Variants in KCNAB3 observed in about 807,000 individuals in gnomAD.
KCNAB3 encodes the protein potassium voltage-gated channel subfamily A regulatory beta subunit 3.
KCNAB3 carries 62 observed loss-of-function variants against 67.7 expected under a neutral mutation model. That is an observed-to-expected ratio of 0.92 (90% CI 0.75 to 1.13). The LOEUF is 1.13. KCNAB3 is among the 50% of genes most tolerant of loss of function. The pLI is 0.00. For synonymous variants in KCNAB3, 212 were observed against 205.4 expected, an observed-to-expected ratio of 1.03 and a Z score of -0.27; for missense variants, 514 against 522.9, an observed-to-expected ratio of 0.98 and a Z score of 0.17.
chr17:7,929,007 G>T lies in KCNAB3; in HGVS notation c.242+187C>A. ...GTCAACCTTGGTAAACTTGATTCTC[G>T]TAGTCAGGGGTATCGACAGAAACCA... On this transcript the variant is annotated intron_variant, in intron 1 of 13. Transcript: ENST00000303790. This position sits in a 1 kb window ranked among gnomAD's most constrained non-coding sequence, Gnocchi z 5.7. 3 of 913,382 alleles carry T rather than the reference G, an allele frequency of 3.3e-6. No individual in the cohort carries two copies. Among genetic ancestry groups the T allele is most frequent in the South Asian group, 3.5e-5 (2 of 56,414 alleles). The allele number at this position is 913,382 out of a possible 1,614,324, so 56.6% of individuals were successfully genotyped here. A position where few individuals can be genotyped will look rare whatever the true frequency, so the allele number is the denominator to read the frequency against.
Position 7,929,557 on chromosome 17 carries a change from G to T in KCNAB3, c.-122C>A. ...CCCGGCAGAGCGGGAAGGCTGAGGA[G>T]GCTGCGGCGGGAGCCGCCAGGCAGG... On this transcript the variant is annotated 5_prime_UTR_variant, in exon 1 of 14. Coordinates refer to ENST00000303790, the MANE Select transcript of KCNAB3 (RefSeq NM_004732.4). This position sits in a 1 kb window ranked among gnomAD's most constrained non-coding sequence, Gnocchi z 5.7. The T allele has an allele frequency of 6.8e-7, 1 of 1,472,608 alleles. No individual in the cohort carries two copies. The highest frequency in any genetic ancestry group is 1.4e-5 in the African/African-American group (1 of 70,100). 91.2% of individuals were successfully genotyped at this position (1,472,608 alleles called of 1,614,324 possible).
chr17:7,923,377 G>A, intron 13 of KCNAB3, 79 bp downstream of exon 13: 2 of 1,432,588 alleles, frequency 1.4e-6, no homozygotes, highest in Non-Finnish European at 1.9e-6. Flanking sequence ...ACCTGATAGA[G>A]CCATCCTGGG....
At position 7,929,511 on chromosome 17, in the gene KCNAB3, C is replaced by CG. The variant is rs1010945548; in HGVS notation, c.-77dup. On this transcript the variant is annotated 5_prime_UTR_variant, in exon 1 of 14. Transcript: ENST00000303790. This position sits in a 1 kb window ranked among gnomAD's most constrained non-coding sequence, Gnocchi z 5.7. ...GCAGGGAAGCCCGAGGGCTGACGACCGGGGGCGTAGTGGGGCGAACCCCGG... is the reference window on the plus strand; with the variant it reads ...GCAGGGAAGCCCGAGGGCTGACGACCGGGGGGCGTAGTGGGGCGAACCCCGG... 2 of 1,506,352 alleles carry CG rather than the reference C, an allele frequency of 1.3e-6. No individual in the cohort carries two copies. The highest frequency in any genetic ancestry group is 1.4e-5 in the African/African-American group (1 of 71,350). 93.3% of individuals were successfully genotyped at this position (1,506,352 alleles called of 1,614,324 possible). A position where few individuals can be genotyped will look rare whatever the true frequency, so the allele number is the denominator to read the frequency against.
chr17:7,929,467 G>C lies in KCNAB3; in HGVS notation c.-32C>G. ...TGGCCGAGGCGGGGGAGGGGGCTCC[G>C]AGGGGACGGGAGGGGGGAGCAGGGA... On this transcript the variant is annotated 5_prime_UTR_variant, in exon 1 of 14. Transcript: ENST00000303790. The surrounding 1 kb of genome is among the most constrained non-coding windows in gnomAD (Gnocchi z 5.7). The C allele has an allele frequency of 6.6e-7, 1 of 1,519,444 alleles. No homozygotes were observed. The highest frequency in any genetic ancestry group is 2.0e-5 in the Admixed American group (1 of 49,122). 94.1% of individuals were successfully genotyped at this position (1,519,444 alleles called of 1,614,324 possible).
Position 7,924,445 on chromosome 17 carries a change from C to A in KCNAB3, c.681G>T (p.Gly227=), listed in dbSNP as rs143227345. The A allele has an allele frequency of 2.2e-5, 35 of 1,614,008 alleles. No individual in the cohort carries two copies. The highest frequency in any genetic ancestry group is 2.8e-5 in the Non-Finnish European group (33 of 1,179,924). Residue 227 remains glycine (G), a synonymous_variant, in exon 9 of 14, where the codon GGG becomes GGT. Transcript: ENST00000303790. ...TTTCTGCAGCCCCCCATCGGGATGT[C>A]CCCCAGTATAGGGCCAGGCCCTGGT... The part of the protein sequence containing the change: ...VINQGLALYW[G]TSRWGAAEIM...
At chr17:7,924,782 A>T (rs1972169836) in intron 8 of KCNAB3, 2 of 948,432 alleles carry the variant, frequency 2.1e-6, no homozygotes, top group Non-Finnish European at 2.9e-6. Context: ...TCACTCTGTC[A>T]CTCAGGATGT....
rs1244483433 is a variant in KCNAB3 at position 7,926,069 on chromosome 17, T to C, written c.439A>G (p.Lys147Glu). 8 of 1,614,024 alleles carry C rather than the reference T, an allele frequency of 5.0e-6. No homozygotes were observed. Among genetic ancestry groups the C allele is most frequent in the Non-Finnish European group, 5.9e-6 (7 of 1,180,034 alleles). Reference sequence around the variant, plus strand: ...CCAAAACAGTCTCACCTCCAACCTTTGCTCTTGAGGATGTTCCCTAGGGTT... The same window carrying C: ...CCAAAACAGTCTCACCTCCAACCTTCGCTCTTGAGGATGTTCCCTAGGGTT... ...ERTLGNILKS[K>E]GWRRSSYVIT... Residue 147 changes from lysine (K) to glutamate (E), a missense_variant, in exon 5 of 14, where the codon AAA becomes GAA. Physicochemically the swap from Lys to Glu is moderately conservative, Grantham distance 56 (BLOSUM62 1). Transcript: ENST00000303790.
At position 7,927,705 on chromosome 17, in the gene KCNAB3, G is replaced by C; in HGVS notation, c.287-11C>G. 6.2e-7 allele frequency: 1 copy of C among 1,614,208 alleles called. No homozygotes were observed. The highest frequency in any genetic ancestry group is 8.5e-7 in the Non-Finnish European group (1 of 1,180,038). On this transcript the variant is annotated splice_polypyrimidine_tract_variant and intron_variant, in intron 2 of 13. Transcript: ENST00000303790. ...ATGTGACCCAGGTACCTGCAAGAGA[G>C]AAGCCAGGCACATGAGAACTGCAGG... is the stretch of plus-strand genomic sequence containing the variant.
chr17:7,923,814 C>A lies in KCNAB3; in HGVS notation c.945G>T (p.Lys315Asn). ...RASIKGYQWLKDKVQSEDGKK... is the reference protein window; with the variant it reads ...RASIKGYQWLNDKVQSEDGKK... ...TGCCATCTTCACTCTGCACTTTGTCCTTGAGCCACTGGTAGCCCTGGAGGC... is the reference window on the plus strand; with the variant it reads ...TGCCATCTTCACTCTGCACTTTGTCATTGAGCCACTGGTAGCCCTGGAGGC... The change falls in exon 12 of 14, where the codon AAG becomes AAT. Residue 315 changes from lysine (K) to asparagine (N), a missense_variant. By Grantham distance (94) the Lys-to-Asn change is moderately conservative. Coordinates refer to ENST00000303790, the MANE Select transcript of KCNAB3 (RefSeq NM_004732.4). 6.3e-7 allele frequency: 1 copy of A among 1,577,926 alleles called. No homozygotes were observed. Among genetic ancestry groups the A allele is most frequent in the Non-Finnish European group, 8.6e-7 (1 of 1,161,272 alleles).
In KCNAB3 at chr17:7,925,172, A is replaced by T. The variant is rs1325115641; in HGVS notation, c.550T>A (p.Ser184Thr). Residue 184 changes from serine to threonine, a missense_variant, in exon 8 of 14, where the codon TCC becomes ACC. Physicochemically the swap from Ser to Thr is moderately conservative, Grantham distance 58. Transcript: ENST00000303790. ...RKHIIEGLRG[S>T]LERLQLGYVD... Reference sequence around the variant, plus strand: ...TATCCCAGCTGGAGGCGTTCCAGGGATCCTCGCAAGCCTGGAGGTGGGGTA... The same window carrying T: ...TATCCCAGCTGGAGGCGTTCCAGGGTTCCTCGCAAGCCTGGAGGTGGGGTA... 6.2e-7 allele frequency: 1 copy of T among 1,613,544 alleles called. No individual in the cohort carries two copies. Among genetic ancestry groups the T allele is most frequent in the Non-Finnish European group, 8.5e-7 (1 of 1,179,670 alleles).
At chr17:7,928,595 C>T (rs1972314154) in intron 1 of KCNAB3, among the ~76,000 whole-genome samples, 1 of 152,172 alleles carries the variant, frequency 6.6e-6, no homozygotes, top group Admixed American at 6.5e-5. Flanking sequence ...CTCCTCTACC[C>T]CCTACTTCAG....
At chr17:7,926,178 C>T in intron 4 of KCNAB3, 75 bp from the exon 5 acceptor site, 1 of 1,555,366 alleles carries the variant, frequency 6.4e-7, no homozygotes, top group Non-Finnish European at 8.9e-7. Context: ...CCACCTTTTC[C>T]TCTCTTGCAA....
At position 7,923,179 on chromosome 17, in the gene KCNAB3, C is replaced by A; in HGVS notation, c.1138G>T (p.Val380Leu). Residue 380 changes from valine to leucine, a missense_variant and splice_region_variant, in exon 14 of 14, where the codon GTG becomes TTG. Coordinates refer to ENST00000303790, the MANE Select transcript of KCNAB3 (RefSeq NM_004732.4). Reference sequence around the variant, plus strand: ...GTCTGCGGGGTCAGCTGGCTCAGCACCTGGAGGAGAGTGGGACGGTGGCGA... The same window carrying A: ...GTCTGCGGGGTCAGCTGGCTCAGCAACTGGAGGAGAGTGGGACGGTGGCGA... The part of the protein sequence containing the change: ...QLIEHLGALQ[V>L]LSQLTPQTVM... 1 of 1,614,102 alleles carries A rather than the reference C, an allele frequency of 6.2e-7. No individual in the cohort carries two copies. Among genetic ancestry groups the A allele is most frequent in the Non-Finnish European group, 8.5e-7 (1 of 1,179,962 alleles).
chr17:7,929,007 G>A lies in KCNAB3; in HGVS notation c.242+187C>T, dbSNP rs1598039203. The A allele has an allele frequency of 2.2e-6, 2 of 913,382 alleles. No individual in the cohort carries two copies. Among genetic ancestry groups the A allele is most frequent in the South Asian group, 1.8e-5 (1 of 56,414 alleles). The allele number at this position is 913,382 out of a possible 1,614,324, so 56.6% of individuals were successfully genotyped here. On this transcript the variant is annotated intron_variant, in intron 1 of 13. Transcript: ENST00000303790. This position sits in a 1 kb window ranked among gnomAD's most constrained non-coding sequence, Gnocchi z 5.7. ...GTCAACCTTGGTAAACTTGATTCTC[G>A]TAGTCAGGGGTATCGACAGAAACCA...
At chr17:7,923,588 G>A (rs759811643) in intron 12 of KCNAB3, 44 bp from the exon 13 acceptor site, 11 of 1,564,338 alleles carry the variant, frequency 7.0e-6, no homozygotes, top group Non-Finnish European at 9.5e-6. Context: ...GGGGAACAGT[G>A]ACCACATAGA....
rs1972253471 is a variant in KCNAB3 at position 7,927,004 on chromosome 17, G to C, written c.404+340C>G. 1.0e-5 allele frequency: 3 copies of C among 293,016 alleles called. No individual in the cohort carries two copies. The East Asian group carries it at 2.4e-4, about 24-fold the overall frequency. 18.2% of individuals were successfully genotyped at this position (293,016 alleles called of 1,614,324 possible). On this transcript the variant is annotated intron_variant, in intron 4 of 13. Transcript: ENST00000303790. ...TGAGCAGAAGTGTTTGCTAGATGGG[G>C]AAGAGGCAGGGTAGGTCATCCTAGG...
At position 7,924,209 on chromosome 17, in the gene KCNAB3, C is replaced by T. The variant is rs371141502; in HGVS notation, c.768G>A (p.Ala256=). 2.5e-5 allele frequency: 40 copies of T among 1,614,050 alleles called. No homozygotes were observed. The highest frequency in any genetic ancestry group is 5.0e-5 in the Admixed American group (3 of 60,006). ...FNLIPPVCEQ[A]EHHLFQREKV... is the part of the protein sequence containing the mutation. ...TCTCCCTCTGAAACAGATGGTGCTCCGCTTGTTCACACACTGGAGGAATCA... is the reference window on the plus strand; with the variant it reads ...TCTCCCTCTGAAACAGATGGTGCTCTGCTTGTTCACACACTGGAGGAATCA... Residue 256 remains alanine (A), a synonymous_variant, in exon 10 of 14, where the codon GCG becomes GCA. Coordinates refer to ENST00000303790, the MANE Select transcript of KCNAB3 (RefSeq NM_004732.4).
intron 4 of KCNAB3, 31 bp from the exon 5 acceptor site, chr17:7,926,134 C>T: frequency 1.2e-6 from 2 of 1,613,008 alleles, no homozygotes; most frequent in East Asian, 2.2e-5. Flanking sequence ...AGCCACTGAT[C>T]CCTTCTAGGC....
chr17:7,923,013 G>C lies in KCNAB3; in HGVS notation c.*89C>G, dbSNP rs573731694. 12 of 1,275,870 alleles carry C rather than the reference G, an allele frequency of 9.4e-6. No homozygotes were observed. In the African/African-American group the frequency reaches 1.8e-4, roughly 19 times the overall value. 79.0% of individuals were successfully genotyped at this position (1,275,870 alleles called of 1,614,324 possible). A position where few individuals can be genotyped will look rare whatever the true frequency, so the allele number is the denominator to read the frequency against. ...CTAGTCTGGCTCCGGCCGCTGCGTG[G>C]AGGGATCCGGAGCGGGAGAGGCGGC... On this transcript the variant is annotated 3_prime_UTR_variant, in exon 14 of 14. Coordinates refer to ENST00000303790, the MANE Select transcript of KCNAB3 (RefSeq NM_004732.4).
Sources: gnomAD v4.1 joint callset for allele counts (sites outside exome capture counted in the v4.1 genomes callset) on GRCh38, gnomAD v4.1.1 for gene constraint, Gnocchi (gnomAD v3.1) non-coding constraint, MANE v1.5 for transcripts, NCBI Gene and HGNC (gene_info 2026-07-23, HGNC 2026-07-21) for gene names.